Variants in SYT1 observed in about 807,000 individuals in gnomAD.
The protein encoded by SYT1 is synaptotagmin 1.
In SYT1, 8 loss-of-function variants were observed where a neutral mutation model predicts 44.8. The ratio of observed to expected loss-of-function variants is 0.18; its 90% CI spans 0.10 to 0.32. The LOEUF (loss-of-function observed/expected upper bound fraction) is 0.32. Among genes scored for constraint, SYT1 ranks in the 10% least tolerant of loss-of-function variants. The pLI, the probability that SYT1 is intolerant of heterozygous loss-of-function variation, is 1.00. For missense variants in SYT1, 286 were observed against 509.3 expected, an observed-to-expected ratio of 0.56 and a Z score of 4.22; for synonymous variants, 154 against 188.8, an observed-to-expected ratio of 0.82 and a Z score of 1.51.
chr12:79,282,678 C>T (rs559840212), intron 4 of SYT1, among the ~76,000 whole-genome samples: 93 of 152,020 alleles, frequency 6.1e-4, no homozygotes, highest in African/African-American at 2.2e-3. Flanking sequence ...GACTTTAAAG[C>T]TAGATACAAA....
chr12:79,342,812 A>T (rs191747369), intron 8 of SYT1, among the ~76,000 whole-genome samples: 29 of 152,332 alleles, frequency 1.9e-4, no homozygotes, highest in African/African-American at 6.7e-4. Flanking sequence ...TAGAAGAAAG[A>T]TCATAAATTC....
intron 1 of SYT1, among the ~76,000 whole-genome samples, chr12:78,941,453 A>G (rs1289730655): frequency 6.6e-6 from 1 of 152,004 alleles, no homozygotes; most frequent in Non-Finnish European, 1.5e-5. Context: ...ATACTTTAGA[A>G]GAAAAAGATG....
intron 1 of SYT1, among the ~76,000 whole-genome samples, chr12:78,896,772 G>T (rs1875381638): frequency 6.6e-6 from 1 of 151,722 alleles, no homozygotes; most frequent in Middle Eastern, 3.4e-3. Context: ...TATGTGAAAA[G>T]AAAATATCTG....
chr12:79,328,453 C>G (rs977412343), intron 8 of SYT1, among the ~76,000 whole-genome samples: 2 of 152,232 alleles, frequency 1.3e-5, no homozygotes, highest in African/African-American at 4.8e-5. Flanking sequence ...GTTTTATATG[C>G]AGTATTTAAT....
intron 3 of SYT1, among the ~76,000 whole-genome samples, chr12:79,124,120 G>T (rs959684482): frequency 6.6e-6 from 1 of 152,136 alleles, no homozygotes; most frequent in Non-Finnish European, 1.5e-5. Context: ...AAAACCTCTT[G>T]CAAATAGCTG....
intron 9 of SYT1, among the ~76,000 whole-genome samples, chr12:79,436,948 T>C (rs1870124942): frequency 6.6e-6 from 1 of 152,182 alleles, no homozygotes; most frequent in Admixed American, 6.5e-5. Flanking sequence ...CAAAGGAAGA[T>C]TTGTCTGAAG....
At chr12:79,203,071 GATAATA>G (rs1311101047) in intron 3 of SYT1, among the ~76,000 whole-genome samples, 1 of 136,412 alleles carries the variant, frequency 7.3e-6, no homozygotes, top group Non-Finnish European at 1.5e-5. Context: ...TCGCCTAGTA[GATAATA>G]AGCCTATGGA....
intron 1 of SYT1, among the ~76,000 whole-genome samples, chr12:78,887,497 T>A (rs945697819): frequency 2.0e-5 from 3 of 151,920 alleles, no homozygotes; most frequent in Non-Finnish European, 4.4e-5. Context: ...ACAGCGATAG[T>A]AAGAATAAAT....
chr12:78,889,789 T>C (rs368581751), intron 1 of SYT1, among the ~76,000 whole-genome samples: 49 of 152,066 alleles, frequency 3.2e-4, no homozygotes, highest in East Asian at 9.7e-4. Context: ...TTAAACACTT[T>C]TGGATTTTGA....
chr12:79,187,394 C>G (rs993454864), intron 3 of SYT1, among the ~76,000 whole-genome samples: 1 of 152,060 alleles, frequency 6.6e-6, no homozygotes, highest in African/African-American at 2.4e-5. Context: ...CTCCTAGCAC[C>G]TCCACTTTCT....
rs199798828 is a variant in SYT1 at position 79,156,713 on chromosome 12, C to T, written c.-17-60790C>T. Among the ~76,000 whole-genome samples the T allele has an allele frequency of 1.6e-4, 25 of 152,188 alleles. No homozygotes were observed. In the South Asian group the frequency reaches 1.7e-3, roughly 10 times the overall value. The stretch of plus-strand genomic sequence containing the variant: ...TGATCTCCTGACCTTGTGATCTGCC[C>T]GCCTCAGCCTCCCAAAGTACTGGGA... On this transcript the variant is annotated intron_variant, in intron 3 of 10. Transcript: ENST00000261205.
At chr12:79,374,435 A>T (rs1002945592) in intron 9 of SYT1, among the ~76,000 whole-genome samples, 3 of 152,216 alleles carry the variant, frequency 2.0e-5, no homozygotes, top group Admixed American at 1.3e-4. Context: ...CATTAACCAG[A>T]AGGACAGATC....
At chr12:79,108,692 A>G (rs1565810102) in intron 3 of SYT1, among the ~76,000 whole-genome samples, 1 of 152,208 alleles carries the variant, frequency 6.6e-6, no homozygotes, top group Non-Finnish European at 1.5e-5. Context: ...AGGAAAATAA[A>G]AAGTATTTCA....
At chr12:79,115,686 T>G (rs1220268995) in intron 3 of SYT1, among the ~76,000 whole-genome samples, 1 of 152,210 alleles carries the variant, frequency 6.6e-6, no homozygotes, top group Non-Finnish European at 1.5e-5. Flanking sequence ...TCACCACTGA[T>G]ATTGTAGAAT....
chr12:79,067,196 G>A (rs1875931833), intron 3 of SYT1, among the ~76,000 whole-genome samples: 1 of 152,130 alleles, frequency 6.6e-6, no homozygotes, highest in Admixed American at 6.5e-5. Flanking sequence ...AGAGCCTAAT[G>A]TTATAGATTT....
chr12:79,450,430 G>A lies in SYT1; in HGVS notation c.*1306G>A, dbSNP rs958547534. ...AAAAGGTGAAACAAACCAAGAACAA[G>A]TTCTAGAAAACTGAAGCAACCTCTT... On this transcript the variant is annotated 3_prime_UTR_variant, in exon 11 of 11. Transcript: ENST00000261205. The A allele has an allele frequency of 1.3e-5, 2 of 152,476 alleles. No homozygotes were observed. The highest frequency in any genetic ancestry group is 2.9e-5 in the Non-Finnish European group (2 of 68,002). 9.4% of individuals were successfully genotyped at this position (152,476 alleles called of 1,614,324 possible). A position where few individuals can be genotyped will look rare whatever the true frequency, so the allele number is the denominator to read the frequency against.
intron 1 of SYT1, among the ~76,000 whole-genome samples, chr12:78,891,423 C>T (rs1875045959): frequency 6.6e-6 from 1 of 151,868 alleles, no homozygotes; most frequent in African/African-American, 2.4e-5. Flanking sequence ...ACCCAGGTTT[C>T]CATGTTACCA....
chr12:79,156,608 C>T (rs183965289), intron 3 of SYT1, among the ~76,000 whole-genome samples: 3 of 152,170 alleles, frequency 2.0e-5, no homozygotes, highest in Admixed American at 2.0e-4. Flanking sequence ...GCTGGGACTA[C>T]AGGCACATGC....
intron 3 of SYT1, among the ~76,000 whole-genome samples, chr12:79,123,530 G>A (rs938162042): frequency 2.0e-5 from 3 of 152,156 alleles, no homozygotes; most frequent in Non-Finnish European, 4.4e-5. Context: ...TCAAGGCTAT[G>A]CTCTTAACCA....
Sources: allele counts gnomAD v4.1 joint callset (sites outside exome capture counted in the v4.1 genomes callset), GRCh38; gene constraint gnomAD v4.1.1; transcripts MANE v1.5; gene names NCBI Gene and HGNC (gene_info 2026-07-23, HGNC 2026-07-21).